COL28A1: variants seen among roughly 807,000 people sequenced by gnomAD.
The protein encoded by COL28A1 is collagen alpha-1(XXVIII) chain.
COL28A1 carries 161 observed loss-of-function variants against 150.2 expected under a neutral mutation model. That is an observed-to-expected ratio of 1.07 (90% CI 0.94 to 1.22). COL28A1 has a LOEUF of 1.22. Ranked by LOEUF, COL28A1 falls within the 50% of genes most tolerant of loss-of-function variation. The pLI is 0.00. For synonymous variants in COL28A1, 552 were observed against 469.7 expected (o/e 1.18, Z -2.26); for missense variants, 1,617 against 1,388.3 (o/e 1.16, Z -2.62).
the COL28A1 span, among the ~76,000 whole-genome samples, chr7:7,339,578 A>G: frequency 4.6e-5 from 7 of 152,124 alleles, no homozygotes; most frequent in Non-Finnish European, 1.0e-4. Flanking sequence ...TAATTGGGAA[A>G]TGTGTCCTAG....
chr7:7,496,554 T>G (rs531571216), intron 11 of COL28A1, among the ~76,000 whole-genome samples: 1 of 152,196 alleles, frequency 6.6e-6, no homozygotes, highest in Non-Finnish European at 1.5e-5. Flanking sequence ...AATTAATCTT[T>G]TTTTTTAGCT....
Position 7,358,825 on chromosome 7 carries a change from A to G in COL28A1, c.3206-20T>C, listed in dbSNP as rs1460438858. On this transcript the variant is annotated intron_variant, in intron 34 of 34. Coordinates refer to ENST00000399429, the MANE Select transcript of COL28A1 (RefSeq NM_001037763.3). ...TAGGATCTAGAGTGAGAAAAGGAAA[A>G]TGTGTCACGGATTTTTCTTATACTG... is the stretch of plus-strand genomic sequence containing the variant. The G allele has an allele frequency of 3.1e-6, 5 of 1,595,350 alleles. No homozygotes were observed. Among genetic ancestry groups the G allele is most frequent in the East Asian group, 2.2e-5 (1 of 44,686 alleles).
intron 14 of COL28A1, among the ~76,000 whole-genome samples, chr7:7,476,158 TAGAA>T (rs908785637): frequency 6.6e-6 from 1 of 152,168 alleles, no homozygotes; most frequent in Non-Finnish European, 1.5e-5. Context: ...CTCAGACACT[TAGAA>T]AGCAGCATGT....
intron 9 of COL28A1, among the ~76,000 whole-genome samples, chr7:7,509,310 A>G (rs919476369): frequency 6.6e-6 from 1 of 152,094 alleles, no homozygotes; most frequent in Non-Finnish European, 1.5e-5. Flanking sequence ...TTTTGTAGAG[A>G]CGGGGCCTCA....
intron 4 of COL28A1, among the ~76,000 whole-genome samples, chr7:7,522,806 C>CCAAAAAAAAAAAAA (rs1460030225): frequency 2.1e-5 from 2 of 93,158 alleles, no homozygotes; most frequent in African/African-American, 1.0e-4. Flanking sequence ...AGCTGAAGAG[C>CCAAAAAAAAAAAAA]AAAAAAAAAA....
At chr7:7,445,838 T>C (rs1314995111) in intron 18 of COL28A1, among the ~76,000 whole-genome samples, 1 of 148,824 alleles carries the variant, frequency 6.7e-6, no homozygotes, top group Admixed American at 6.7e-5. Context: ...AAACAAAAAG[T>C]AAGAAGATTC....
the COL28A1 span, among the ~76,000 whole-genome samples, chr7:7,540,941 G>T: frequency 4.3e-5 from 6 of 140,170 alleles, no homozygotes; most frequent in African/African-American, 1.6e-4. Flanking sequence ...CAGTAATATA[G>T]GTAGATATCA....
At position 7,460,867 on chromosome 7, in the gene COL28A1, C is replaced by T. The variant is rs543629263; in HGVS notation, c.1303-4755G>A. The stretch of plus-strand genomic sequence containing the variant: ...TAACTCATCCTACATAATAACACAC[C>T]TTGCATATACTAGATTTGGAGATCA... On this transcript the variant is annotated intron_variant, in intron 15 of 34. Transcript: ENST00000399429. Among the ~76,000 whole-genome samples the T allele has an allele frequency of 1.1e-4, 16 of 152,242 alleles. No homozygotes were observed. In the South Asian group the frequency reaches 2.9e-3, roughly 28 times the overall value.
Position 7,452,376 on chromosome 7 carries a change from G to C in COL28A1, c.1452C>G (p.Gly484=). 6.3e-7 allele frequency: 1 copy of C among 1,599,368 alleles called. No homozygotes were observed. Among genetic ancestry groups the C allele is most frequent in the South Asian group, 1.1e-5 (1 of 87,878 alleles). ...CTCGAGGGCCTGTAGGTCCCATTTG[G>C]CCTACTTCTCCCTAGTAAGAAAAGA... is the stretch of plus-strand genomic sequence containing the variant. ...QGLPGSKGEV[G]QMGPTGPRGP... The change falls in exon 18 of 35, where the codon GGC becomes GGG. Residue 484 remains glycine, a synonymous_variant. Coordinates refer to ENST00000399429, the MANE Select transcript of COL28A1 (RefSeq NM_001037763.3).
At chr7:7,513,460 G>A (rs1225606868) in intron 8 of COL28A1, among the ~76,000 whole-genome samples, 1 of 152,172 alleles carries the variant, frequency 6.6e-6, no homozygotes, top group Non-Finnish European at 1.5e-5. Flanking sequence ...GAAAGAGGGA[G>A]GTGTGACTCT....
At chr7:7,508,567 G>A (rs1247573475) in intron 9 of COL28A1, among the ~76,000 whole-genome samples, 1 of 152,224 alleles carries the variant, frequency 6.6e-6, no homozygotes, top group Non-Finnish European at 1.5e-5. Flanking sequence ...GTATGAGAGA[G>A]TGTATCTTCA....
intron 27 of COL28A1, among the ~76,000 whole-genome samples, chr7:7,394,438 G>T (rs1049199857): frequency 5.9e-5 from 9 of 152,198 alleles, no homozygotes; most frequent in African/African-American, 1.7e-4. Context: ...TTTATAGTAT[G>T]GGAAACTAAT....
chr7:7,488,083 A>G (rs905463860), intron 13 of COL28A1, among the ~76,000 whole-genome samples: 14 of 152,212 alleles, frequency 9.2e-5, no homozygotes, highest in Non-Finnish European at 1.8e-4. Flanking sequence ...CTCTCATGTC[A>G]ACCCGCAAAA....
At chr7:7,370,140 C>T (rs947004347) in intron 33 of COL28A1, among the ~76,000 whole-genome samples, 1 of 152,166 alleles carries the variant, frequency 6.6e-6, no homozygotes, top group African/African-American at 2.4e-5. Flanking sequence ...GGAGGTGGTT[C>T]TTCACATACT....
chr7:7,383,682 G>GTATATATATATATATATA (rs772285848), intron 27 of COL28A1, among the ~76,000 whole-genome samples: 120 of 124,054 alleles, frequency 9.7e-4, no homozygotes, highest in South Asian at 1.6e-3. Flanking sequence ...GTGTGTGTGT[G>GTATATATATATATATATA]TATATATATA....
intron 16 of COL28A1, among the ~76,000 whole-genome samples, chr7:7,454,849 C>T (rs1189268614): frequency 6.6e-6 from 1 of 152,120 alleles, no homozygotes; most frequent in Admixed American, 6.5e-5. Context: ...ATTTGAGTAG[C>T]CCAAATGTCC....
At chr7:7,499,142 A>C (rs1183946055) in intron 11 of COL28A1, among the ~76,000 whole-genome samples, 1 of 152,152 alleles carries the variant, frequency 6.6e-6, no homozygotes, top group Non-Finnish European at 1.5e-5. Flanking sequence ...TACAGCAAGA[A>C]TTGCTGGATT....
chr7:7,504,714 T>C (rs774839136), intron 11 of COL28A1, among the ~76,000 whole-genome samples: 1 of 152,208 alleles, frequency 6.6e-6, no homozygotes, highest in Non-Finnish European at 1.5e-5. Flanking sequence ...CTCCAGGCTT[T>C]GTTTCTCATT....
chr7:7,347,872 G>T, the COL28A1 span, among the ~76,000 whole-genome samples: 1 of 151,996 alleles, frequency 6.6e-6, no homozygotes, highest in Non-Finnish European at 1.5e-5. Flanking sequence ...GCTGGATTGT[G>T]AAAGGCATTA....
Sources: gnomAD v4.1 joint callset for allele counts (sites outside exome capture counted in the v4.1 genomes callset) on GRCh38, gnomAD v4.1.1 for gene constraint, MANE v1.5 for transcripts, NCBI Gene and HGNC (gene_info 2026-07-23, HGNC 2026-07-21) for gene names.